The following LONP2 variants were observed in gnomAD, a reference collection of about 807,000 sequenced individuals.
The protein encoded by LONP2 is lon peptidase 2, peroxisomal, also known as lon protease homolog 2, peroxisomal.
LONP2 carries 60 observed loss-of-function variants against 85.6 expected under a neutral mutation model. The ratio of observed to expected loss-of-function variants is 0.70; its 90% CI spans 0.57 to 0.87. LONP2 has a LOEUF of 0.87. Among genes scored for constraint, LONP2 ranks in the 40% least tolerant of loss-of-function variants. The pLI, the probability that LONP2 is intolerant of heterozygous loss-of-function variation, is 0.00. For missense variants in LONP2, 860 were observed against 1,063.5 expected, an observed-to-expected ratio of 0.81 and a Z score of 2.66; for synonymous variants, 395 against 389.7, an observed-to-expected ratio of 1.01 and a Z score of -0.16.
chr16:48,340,935 C>G (rs1234887501), intron 12 of LONP2, among the ~76,000 whole-genome samples: 1 of 151,992 alleles, frequency 6.6e-6, no homozygotes, highest in Non-Finnish European at 1.5e-5. Context: ...CAAAGAACCA[C>G]CTGAGACTGG....
rs187758946 is a variant in LONP2, at chr16:48,362,563, G to A, written c.*700G>A. The A allele has an allele frequency of 2.4e-3, 2,053 of 859,148 alleles. 13 individuals are homozygous for A. Among genetic ancestry groups the A allele is most frequent in the Non-Finnish European group, 1.8e-3 (1,031 of 559,752 alleles). The allele number at this position is 859,148 out of a possible 1,614,324, so 53.2% of individuals were successfully genotyped here. On this transcript the variant is annotated 3_prime_UTR_variant, in exon 5 of 5. Coordinates refer to the LONP2 transcript ENST00000565867. The surrounding 1 kb of genome is among the most constrained non-coding windows in gnomAD (Gnocchi z 4.2). ...ACTGAGCAAAAGAGGAAGAAAAATA[G>A]GATTAAAAAAGATATTAAAAAAATA...
chr16:48,298,023 G>T (rs973056461), intron 9 of LONP2, among the ~76,000 whole-genome samples: 1 of 152,168 alleles, frequency 6.6e-6, no homozygotes, highest in Non-Finnish European at 1.5e-5. Context: ...TTAAAATATG[G>T]TAGAGTAAAA....
chr16:48,338,419 A>G (rs1238285886), intron 12 of LONP2, among the ~76,000 whole-genome samples: 3 of 152,352 alleles, frequency 2.0e-5, no homozygotes, highest in South Asian at 4.1e-4. Context: ...TCTGTTTTAG[A>G]GGTAGAAGTA....
At chr16:48,286,985 G>A (rs1972456603) in intron 8 of LONP2, among the ~76,000 whole-genome samples, 1 of 152,092 alleles carries the variant, frequency 6.6e-6, no homozygotes, top group Non-Finnish European at 1.5e-5. Flanking sequence ...TGTTTGTTTA[G>A]TGACTTTCTG....
downstream of LONP2, among the ~76,000 whole-genome samples, chr16:48,359,452 C>T (rs1960493342): frequency 1.3e-5 from 2 of 152,094 alleles, no homozygotes; most frequent in East Asian, 1.9e-4. Flanking sequence ...AGGCCGGGCG[C>T]GGTGGCTCAC....
At chr16:48,329,576 G>A (rs921579732) in intron 11 of LONP2, among the ~76,000 whole-genome samples, 1 of 152,070 alleles carries the variant, frequency 6.6e-6, no homozygotes, top group Non-Finnish European at 1.5e-5. Flanking sequence ...ATGATCATAA[G>A]TACATATCTA....
intron 8 of LONP2, among the ~76,000 whole-genome samples, chr16:48,290,986 C>A (rs1431064030): frequency 6.6e-6 from 1 of 152,210 alleles, no homozygotes; most frequent in African/African-American, 2.4e-5. Context: ...ATACTTATCA[C>A]TTTGGTGATT....
chr16:48,304,898 T>G (rs1418907905), intron 11 of LONP2, among the ~76,000 whole-genome samples: 1 of 152,200 alleles, frequency 6.6e-6, no homozygotes, highest in Admixed American at 6.5e-5. Flanking sequence ...CATAGCTGTT[T>G]CCAGAAAGGA....
Position 48,362,540 on chromosome 16 carries a change from T to C in LONP2, c.*677T>C. The stretch of plus-strand genomic sequence containing the variant: ...TTTTAAAGTTTCATACAAAATTTAC[T>C]GAGCAAAAGAGGAAGAAAAATAGGA... On this transcript the variant is annotated 3_prime_UTR_variant, in exon 5 of 5. Transcript: ENST00000565867. This position sits in a 1 kb window ranked among gnomAD's most constrained non-coding sequence, Gnocchi z 4.2. 1.8e-6 allele frequency: 2 copies of C among 1,107,812 alleles called. No individual in the cohort carries two copies. The highest frequency in any genetic ancestry group is 1.6e-5 in the South Asian group (1 of 64,308). The allele number at this position is 1,107,812 out of a possible 1,614,324, so 68.6% of individuals were successfully genotyped here. A position where few individuals can be genotyped will look rare whatever the true frequency, so the allele number is the denominator to read the frequency against.
chr16:48,271,913 G>A (rs992324896), intron 7 of LONP2, among the ~76,000 whole-genome samples: 77 of 152,272 alleles, frequency 5.1e-4, no homozygotes, highest in African/African-American at 1.7e-3. Flanking sequence ...AAAGGAATTG[G>A]CATTTCTCTT....
intron 11 of LONP2, among the ~76,000 whole-genome samples, chr16:48,327,146 T>C (rs1477650155): frequency 6.6e-6 from 1 of 152,250 alleles, no homozygotes; most frequent in East Asian, 1.9e-4. Flanking sequence ...GCATCTCTGC[T>C]GCTTTAATGC....
chr16:48,361,130 C>T (rs1960569370), downstream of LONP2: 1 of 156,050 alleles, frequency 6.4e-6, no homozygotes, highest in Non-Finnish European at 1.4e-5. Context: ...AAGCACACAG[C>T]AGCACTATGT....
chr16:48,351,234 G>A (rs1019050135), intron 14 of LONP2, among the ~76,000 whole-genome samples: 32 of 152,178 alleles, frequency 2.1e-4, no homozygotes, highest in Non-Finnish European at 4.1e-4. Flanking sequence ...ATCACGTGCT[G>A]CTTTTTCAGA....
At chr16:48,348,529 CTG>C in intron 14 of LONP2, among the ~76,000 whole-genome samples, 1 of 131,382 alleles carries the variant, frequency 7.6e-6, no homozygotes, top group Non-Finnish European at 1.5e-5. Context: ...AGGTCTCACT[CTG>C]TTGCCCAGGC....
downstream of LONP2, among the ~76,000 whole-genome samples, chr16:48,357,562 C>T (rs1044658357): frequency 6.6e-6 from 1 of 152,180 alleles, no homozygotes; most frequent in African/African-American, 2.4e-5. Context: ...TTCGACATTA[C>T]TTTTATGTCC....
chr16:48,264,667 C>T (rs1028223625), intron 6 of LONP2, among the ~76,000 whole-genome samples: 5 of 152,140 alleles, frequency 3.3e-5, no homozygotes, highest in Non-Finnish European at 5.9e-5. Flanking sequence ...TAGGAAATCA[C>T]AAGAGTATTG....
Position 48,325,214 on chromosome 16 carries a change from C to T in LONP2, c.1796-9002C>T, listed in dbSNP as rs538181920. Among the ~76,000 whole-genome samples, 19 of 152,318 alleles carry T rather than the reference C, an allele frequency of 1.2e-4. No individual in the cohort carries two copies. The South Asian group carries it at 1.9e-3, about 15-fold the overall frequency. On this transcript the variant is annotated intron_variant, in intron 11 of 14. Coordinates refer to ENST00000285737, the MANE Select transcript of LONP2 (RefSeq NM_031490.5). ...TTTGAGCTCCTATGAGAATCTAATG[C>T]CGCTGCTGATCTGACCGGAGGCGGT...
intron 11 of LONP2, among the ~76,000 whole-genome samples, chr16:48,321,033 A>G (rs1973252477): frequency 6.6e-6 from 1 of 152,132 alleles, no homozygotes; most frequent in Admixed American, 6.5e-5. Context: ...TCACGGGCTT[A>G]AGCTGTCCTC....
intron 12 of LONP2, 190 bp downstream of exon 12, chr16:48,334,548 G>A (rs1959579730): frequency 1.4e-6 from 1 of 718,156 alleles, no homozygotes; most frequent in Non-Finnish European, 2.5e-6. Context: ...TGGGGGCGCA[G>A]GCGAGCACAG....
Sources: gnomAD v4.1 joint callset for allele counts (sites outside exome capture counted in the v4.1 genomes callset) on GRCh38, gnomAD v4.1.1 for gene constraint, Gnocchi (gnomAD v3.1) non-coding constraint, MANE v1.5 for transcripts, NCBI Gene and HGNC (gene_info 2026-07-23, HGNC 2026-07-21) for gene names.